NRXN1: variants seen among roughly 807,000 people sequenced by gnomAD.
NRXN1 encodes neurexin 1.
Under a neutral mutation model 150.9 loss-of-function variants are expected in NRXN1, and 39 were observed. That is an observed-to-expected ratio of 0.26 (90% CI 0.20 to 0.34). NRXN1 has a LOEUF of 0.34. NRXN1 is among the 10% of genes least tolerant of loss of function. NRXN1 has a pLI of 1.00. For synonymous variants in NRXN1, 924 were observed against 757.0 expected (o/e 1.22, Z -3.62); for missense variants, 1,815 against 1,949.9 (o/e 0.93, Z 1.30).
At chr2:49,949,587 G>T (rs1673560317) in intron 21 of NRXN1, among the ~76,000 whole-genome samples, 1 of 151,666 alleles carries the variant, frequency 6.6e-6, no homozygotes, top group Non-Finnish European at 1.5e-5. Context: ...TGTAAAATAG[G>T]ATATTCATTG....
At chr2:50,857,067 C>A (rs373872353) in intron 5 of NRXN1, among the ~76,000 whole-genome samples, 1 of 152,062 alleles carries the variant, frequency 6.6e-6, no homozygotes, top group East Asian at 1.9e-4. Flanking sequence ...AGTGCTAACA[C>A]TGACGTTTTA....
chr2:50,520,662 C>A (rs1174490145), intron 12 of NRXN1, among the ~76,000 whole-genome samples: 1 of 151,858 alleles, frequency 6.6e-6, no homozygotes, highest in Non-Finnish European at 1.5e-5. Flanking sequence ...TAATTGATTG[C>A]ATAAAGAATT....
At chr2:50,479,656 C>G (rs2090289678) in intron 15 of NRXN1, among the ~76,000 whole-genome samples, 1 of 151,548 alleles carries the variant, frequency 6.6e-6, no homozygotes, top group Admixed American at 6.6e-5. Context: ...AATAAGGACA[C>G]AGGGAAGGTT....
At chr2:51,004,167 A>G (rs1048057433) in intron 2 of NRXN1, among the ~76,000 whole-genome samples, 3 of 151,950 alleles carry the variant, frequency 2.0e-5, no homozygotes, top group Middle Eastern at 3.2e-3. Context: ...CCTTTCACAG[A>G]TGCTGGACAG....
rs1370998086 is a variant in NRXN1 at position 50,620,084 on chromosome 2, G to A, written c.1258C>T (p.Pro420Ser). 1.9e-6 allele frequency: 3 copies of A among 1,613,254 alleles called. No homozygotes were observed. Among genetic ancestry groups the A allele is most frequent in the Non-Finnish European group, 2.5e-6 (3 of 1,179,562 alleles). ...GACCCTGGAAGGTCGGCTGTGCTGG[G>A]ACTGCCTCCAACATAGAAAAAGTCA... ...SDDFFYVGGS[P>S]STADLPGSPV... Residue 420 changes from proline (P) to serine (S), a missense_variant, in exon 8 of 23, where the codon CCC becomes TCC. Transcript: ENST00000401669.
At chr2:50,717,997 A>G (rs763008138) in intron 5 of NRXN1, among the ~76,000 whole-genome samples, 1 of 152,186 alleles carries the variant, frequency 6.6e-6, no homozygotes, top group Non-Finnish European at 1.5e-5. Context: ...CATTTAGTGC[A>G]CTACAACAGT....
chr2:50,956,792 C>T (rs1692355516), intron 2 of NRXN1, among the ~76,000 whole-genome samples: 1 of 151,966 alleles, frequency 6.6e-6, no homozygotes, highest in Non-Finnish European at 1.5e-5. Flanking sequence ...AGAGCTTAAT[C>T]ATTATTTCGT....
intron 21 of NRXN1, among the ~76,000 whole-genome samples, chr2:49,951,397 A>AT (rs1673934498): frequency 6.6e-6 from 1 of 151,818 alleles, no homozygotes; most frequent in Non-Finnish European, 1.5e-5. Flanking sequence ...TTGCATTTCC[A>AT]TTTTTAGCCA....
At chr2:50,358,374 G>C (rs2078967549) in intron 17 of NRXN1, among the ~76,000 whole-genome samples, 1 of 152,194 alleles carries the variant, frequency 6.6e-6, no homozygotes, top group Admixed American at 6.5e-5. Context: ...AGTCGACCTG[G>C]GATGCTCAAG....
intron 5 of NRXN1, among the ~76,000 whole-genome samples, chr2:50,796,581 G>T (rs1206494187): frequency 6.6e-6 from 1 of 152,094 alleles, no homozygotes; most frequent in Non-Finnish European, 1.5e-5. Context: ...CAAAAGTTTG[G>T]CTTTCCCCTA....
intron 5 of NRXN1, among the ~76,000 whole-genome samples, chr2:50,838,617 G>T (rs1410540132): frequency 6.6e-6 from 1 of 152,010 alleles, no homozygotes; most frequent in African/African-American, 2.4e-5. Context: ...GGTGAAATTT[G>T]GTCACAGGGA....
rs535917143 is a variant in NRXN1 at position 50,386,564 on chromosome 2, C to T, written c.3364+78878G>A. Among the ~76,000 whole-genome samples the T allele has an allele frequency of 8.6e-5, 13 of 151,620 alleles. No individual in the cohort carries two copies. In the South Asian group the frequency reaches 2.1e-3, roughly 24 times the overall value. On this transcript the variant is annotated intron_variant, in intron 17 of 22. Coordinates refer to ENST00000401669, the MANE Select transcript of NRXN1 (RefSeq NM_001330078.2). ...GATGAATATAAGCAAGTATGCCCAA[C>T]AAGCAATAGAACCCCCAAATTGAGA...
At chr2:51,012,094 C>A (rs140783493) in intron 2 of NRXN1, among the ~76,000 whole-genome samples, 57 of 152,110 alleles carry the variant, frequency 3.7e-4, no homozygotes, top group African/African-American at 1.3e-3. Flanking sequence ...AAATGTGACG[C>A]TTTCCAACTC....
At position 51,020,634 on chromosome 2, in the gene NRXN1, T is replaced by C. The variant is rs534551674; in HGVS notation, c.772+6868A>G. On this transcript the variant is annotated intron_variant, in intron 2 of 22. Transcript: ENST00000401669. ...ATCTATTATCTACTCGCAAACAATC[T>C]GTGAAGTAGGCTGGCATTAGTTCAC... is the stretch of plus-strand genomic sequence containing the variant. Among the ~76,000 whole-genome samples the C allele has an allele frequency of 2.7e-4, 41 of 152,142 alleles. 2 individuals are homozygous for C. In the South Asian group the frequency reaches 4.6e-3, roughly 17 times the overall value.
chr2:50,566,388 C>T (rs1031590749), intron 8 of NRXN1, among the ~76,000 whole-genome samples: 15 of 150,376 alleles, frequency 1.0e-4, no homozygotes, highest in African/African-American at 2.2e-4. Flanking sequence ...CAACTACAGG[C>T]ACGTGCCACC....
chr2:50,357,139 G>A (rs1572662862), intron 17 of NRXN1, among the ~76,000 whole-genome samples: 1 of 152,092 alleles, frequency 6.6e-6, no homozygotes, highest in Non-Finnish European at 1.5e-5. Context: ...ATTTTGTAGA[G>A]GCATGGTGGT....
intron 17 of NRXN1, among the ~76,000 whole-genome samples, chr2:50,294,564 A>G (rs1411449663): frequency 3.3e-5 from 5 of 152,224 alleles, no homozygotes; most frequent in Non-Finnish European, 5.9e-5. Context: ...AAGGAGAATG[A>G]CACCTAAATC....
intron 5 of NRXN1, among the ~76,000 whole-genome samples, chr2:50,647,978 A>T (rs561021325): frequency 6.6e-6 from 1 of 152,066 alleles, no homozygotes; most frequent in African/African-American, 2.4e-5. Context: ...GACCAAAATG[A>T]TATCATGTAT....
chr2:49,963,725 T>C (rs2104576125), intron 21 of NRXN1, among the ~76,000 whole-genome samples: 1 of 152,248 alleles, frequency 6.6e-6, no homozygotes, highest in Admixed American at 6.5e-5. Flanking sequence ...CAAAACAGGG[T>C]AAAACAAACT....
Sources: gnomAD v4.1 joint callset for allele counts (sites outside exome capture counted in the v4.1 genomes callset) on GRCh38, gnomAD v4.1.1 for gene constraint, MANE v1.5 for transcripts, NCBI Gene and HGNC (gene_info 2026-07-23, HGNC 2026-07-21) for gene names.